The following STAG1 variants were observed in gnomAD, a reference collection of about 807,000 sequenced individuals.
STAG1 encodes the protein STAG1 cohesin complex component, also known as cohesin subunit SA-1.
Under a neutral mutation model 170.9 loss-of-function variants are expected in STAG1, and 26 were observed. That is an observed-to-expected ratio of 0.15 (90% CI 0.11 to 0.21). The LOEUF (loss-of-function observed/expected upper bound fraction) is 0.21. Among genes scored for constraint, STAG1 ranks in the 10% least tolerant of loss-of-function variants. STAG1 has a pLI of 1.00. For synonymous variants in STAG1, 514 were observed against 497.7 expected, an observed-to-expected ratio of 1.03 and a Z score of -0.44; for missense variants, 964 against 1,509.5, an observed-to-expected ratio of 0.64 and a Z score of 5.99.
At chr3:136,723,015 G>A (rs1442015223) in intron 1 of STAG1, among the ~76,000 whole-genome samples, 6 of 152,242 alleles carry the variant, frequency 3.9e-5, no homozygotes, top group Non-Finnish European at 5.9e-5. Context: ...CCAGGCTGGA[G>A]TGCAGTGGCG....
chr3:136,518,500 C>T (rs1011676559), intron 7 of STAG1: 2 of 642,916 alleles, frequency 3.1e-6, no homozygotes, highest in African/African-American at 1.8e-5. Context: ...AAGATGAGAA[C>T]AAAATGTCCT....
At chr3:136,347,395 C>CAAAA (rs34533734) in intron 29 of STAG1, among the ~76,000 whole-genome samples, 76 of 78,658 alleles carry the variant, frequency 9.7e-4, no homozygotes, top group East Asian at 4.3e-3. Context: ...GATCCTGTCT[C>CAAAA]AAAAAAAAAA....
chr3:136,714,934 AT>A (rs1369628338), intron 1 of STAG1, among the ~76,000 whole-genome samples: 2 of 74,950 alleles, frequency 2.7e-5, no homozygotes, highest in African/African-American at 6.8e-5. Context: ...AAATATATAT[AT>A]TAAATATATA....
chr3:136,719,398 G>A (rs1477641270), intron 1 of STAG1, among the ~76,000 whole-genome samples: 1 of 151,904 alleles, frequency 6.6e-6, no homozygotes, highest in Non-Finnish European at 1.5e-5. Flanking sequence ...TTCTTTGGGG[G>A]GTGATAGAAG....
intron 1 of STAG1, among the ~76,000 whole-genome samples, chr3:136,745,318 T>TA (rs1417488870): frequency 3.3e-5 from 5 of 151,858 alleles, no homozygotes; most frequent in South Asian, 4.2e-4. Flanking sequence ...TAAAAATAAA[T>TA]AAAAAACAAA....
rs117853008 is a variant in STAG1 at position 136,634,177 on chromosome 3, A to T, written c.-83-3196T>A. Among the ~76,000 whole-genome samples the T allele has an allele frequency of 3.3e-3, 501 of 151,760 alleles. 7 individuals carry two copies. The East Asian group carries it at 0.045, about 14-fold the overall frequency. On this transcript the variant is annotated intron_variant, in intron 1 of 33. Transcript: ENST00000383202. ...AATAAATAAACATAAAAAAAATTTT[A>T]AAAAGGCAAAAACAAAATTTTAAAA...
intron 2 of STAG1, among the ~76,000 whole-genome samples, chr3:136,628,396 T>C (rs1055476450): frequency 6.6e-6 from 1 of 152,156 alleles, no homozygotes; most frequent in African/African-American, 2.4e-5. Flanking sequence ...TAGCAGGTAC[T>C]GATATGATAT....
chr3:136,544,977 A>C (rs1026535569), intron 5 of STAG1, among the ~76,000 whole-genome samples: 1 of 152,156 alleles, frequency 6.6e-6, no homozygotes, highest in African/African-American at 2.4e-5. Flanking sequence ...AATAAAATGT[A>C]ATCTAGTTAT....
rs550505057 is a variant in STAG1 at position 136,459,427 on chromosome 3, G to A, written c.1313+5454C>T. ...AATAGGAGTAGTAGGGGACTTCAAC[G>A]TGCAATTTTCAGCAATGGGAAGATT... On this transcript the variant is annotated intron_variant, in intron 13 of 33. Coordinates refer to ENST00000383202, the MANE Select transcript of STAG1 (RefSeq NM_005862.3). Among the ~76,000 whole-genome samples the A allele has an allele frequency of 2.6e-5, 4 of 152,134 alleles. No homozygotes were observed. In the South Asian group the frequency reaches 6.2e-4, roughly 24 times the overall value.
intron 1 of STAG1, among the ~76,000 whole-genome samples, chr3:136,712,167 G>A (rs1166699537): frequency 2.0e-5 from 3 of 152,072 alleles, no homozygotes; most frequent in East Asian, 3.9e-4. Context: ...ACAGGCGCAC[G>A]CCACCACACC....
At position 136,480,779 on chromosome 3, in the gene STAG1, T is replaced by C. The variant is rs1257077094; in HGVS notation, c.903-3367A>G. 2.5e-5 allele frequency among the ~76,000 whole-genome samples: 2 copies of C among 79,034 alleles called. 1 individual carries two copies. The highest frequency in any genetic ancestry group is 7.4e-5 in the African/African-American group (2 of 27,076). 51.8% of individuals were successfully genotyped at this position (79,034 alleles called of 152,430 possible). A position where few individuals can be genotyped will look rare whatever the true frequency, so the allele number is the denominator to read the frequency against. ...TTGAGCAGTGGTTTGTAGTTCTCCT[T>C]GAAGAGGTCCTTCACATCCCTTGTA... On this transcript the variant is annotated intron_variant, in intron 9 of 33. Transcript: ENST00000383202.
intron 21 of STAG1, among the ~76,000 whole-genome samples, chr3:136,399,605 G>A (rs561211322): frequency 5.3e-5 from 8 of 152,086 alleles, no homozygotes; most frequent in South Asian, 2.1e-4. Flanking sequence ...CTCCCTATTC[G>A]TCTATCATTG....
At chr3:136,719,306 C>T (rs569473838) in intron 1 of STAG1, among the ~76,000 whole-genome samples, 1 of 152,030 alleles carries the variant, frequency 6.6e-6, no homozygotes, top group South Asian at 2.1e-4. Context: ...CCCAAAAAAG[C>T]ATATCTATAG....
At chr3:136,425,074 G>A (rs751906439) in intron 16 of STAG1, among the ~76,000 whole-genome samples, 3 of 152,038 alleles carry the variant, frequency 2.0e-5, no homozygotes, top group African/African-American at 4.8e-5. Context: ...TCCCGACCTC[G>A]TGATCTGCCC....
chr3:136,606,333 C>A (rs377062130), intron 3 of STAG1, among the ~76,000 whole-genome samples: 4 of 152,040 alleles, frequency 2.6e-5, no homozygotes, highest in South Asian at 4.1e-4. Flanking sequence ...TGATCATAGG[C>A]GCCTGTCATC....
chr3:136,561,632 C>T (rs1189600614), intron 5 of STAG1, among the ~76,000 whole-genome samples: 2 of 152,068 alleles, frequency 1.3e-5, no homozygotes, highest in Non-Finnish European at 2.9e-5. Context: ...TCTAAACATG[C>T]TATATTATTT....
At chr3:136,417,714 G>A in intron 21 of STAG1, 171 bp downstream of exon 21, 1 of 583,912 alleles carries the variant, frequency 1.7e-6, no homozygotes, top group Non-Finnish European at 3.0e-6. Context: ...ACATAAGCCA[G>A]TATAATACAC....
intron 1 of STAG1, among the ~76,000 whole-genome samples, chr3:136,714,998 T>C (rs1215514385): frequency 7.1e-4 from 79 of 111,454 alleles, no homozygotes; most frequent in Non-Finnish European, 1.2e-3. Flanking sequence ...ATATTTTATA[T>C]ATATAATATA....
chr3:136,587,047 T>C (rs1937866401), intron 4 of STAG1: 1 of 354,064 alleles, frequency 2.8e-6, no homozygotes, highest in Non-Finnish European at 5.5e-6. Context: ...TTGTCTATCA[T>C]GATAAGCTAC....
Sources: gnomAD v4.1 joint callset for allele counts (sites outside exome capture counted in the v4.1 genomes callset) on GRCh38, gnomAD v4.1.1 for gene constraint, MANE v1.5 for transcripts, NCBI Gene and HGNC (gene_info 2026-07-23, HGNC 2026-07-21) for gene names.